The following MRM1 variants were observed in gnomAD, a reference collection of about 807,000 sequenced individuals.
The protein encoded by MRM1 is rRNA methyltransferase 1, mitochondrial.
Under a neutral mutation model 25.0 loss-of-function variants are expected in MRM1, and 24 were observed. The ratio of observed to expected loss-of-function variants is 0.96; its 90% CI spans 0.69 to 1.35. MRM1 has a LOEUF of 1.35. Ranked by LOEUF, MRM1 falls within the 40% of genes most tolerant of loss-of-function variation. The pLI is 0.00. For missense variants in MRM1, 431 were observed against 464.1 expected (o/e 0.93, Z 0.65); for synonymous variants, 188 against 199.2 (o/e 0.94, Z 0.47).
At chr17:36,620,731 G>T in the MRM1 span, among the ~76,000 whole-genome samples, 1 of 152,220 alleles carries the variant, frequency 6.6e-6, no homozygotes, top group African/African-American at 2.4e-5. Context: ...GCAGCTGATA[G>T]GTATGCCCTC....
At chr17:36,626,124 C>T in the MRM1 span, among the ~76,000 whole-genome samples, 1 of 152,150 alleles carries the variant, frequency 6.6e-6, no homozygotes, top group Non-Finnish European at 1.5e-5. Flanking sequence ...CGTTTCCCCT[C>T]CCCGCCCCCG....
rs1567846252 is a variant in MRM1 at position 36,602,778 on chromosome 17, T to C, written c.636+132T>C. The C allele has an allele frequency of 7.8e-7, 1 of 1,274,232 alleles. No individual in the cohort carries two copies. The highest frequency in any genetic ancestry group is 1.1e-6 in the Non-Finnish European group (1 of 913,362). 78.9% of individuals were successfully genotyped at this position (1,274,232 alleles called of 1,614,324 possible). The stretch of plus-strand genomic sequence containing the variant: ...CTTCCTTTGGCCTTCTAAATCCCTC[T>C]GGGGATGGAAGGGTCCTGGAGTTTT... On this transcript the variant is annotated intron_variant, in intron 2 of 4. Transcript: ENST00000614766. The surrounding 1 kb of genome is among the most constrained non-coding windows in gnomAD (Gnocchi z 4.1).
At chr17:36,625,004 AG>A in the MRM1 span, among the ~76,000 whole-genome samples, 30 of 152,174 alleles carry the variant, frequency 2.0e-4, no homozygotes, top group Non-Finnish European at 3.4e-4. Flanking sequence ...CTCACCCCAA[AG>A]CTGCTTGAGT....
chr17:36,624,751 C>T, the MRM1 span, among the ~76,000 whole-genome samples: 1 of 152,116 alleles, frequency 6.6e-6, no homozygotes, highest in Non-Finnish European at 1.5e-5. This position sits in a 1 kb window ranked among gnomAD's most constrained non-coding sequence, Gnocchi z 4.0. Flanking sequence ...GTCCTGGGCT[C>T]TTCTTTTCCC....
At chr17:36,609,010 C>T (rs1264190856), downstream of MRM1, 2 of 152,490 alleles carry the variant, frequency 1.3e-5, no homozygotes, top group East Asian at 3.9e-4. Flanking sequence ...CAGCCTCGCT[C>T]TTCGGTCCAG....
At chr17:36,624,446 T>C in the MRM1 span, among the ~76,000 whole-genome samples, 1 of 152,212 alleles carries the variant, frequency 6.6e-6, no homozygotes. This position sits in a 1 kb window ranked among gnomAD's most constrained non-coding sequence, Gnocchi z 4.0. Flanking sequence ...GAGACTCTGA[T>C]TGACAGTCTC....
At chr17:36,628,647 C>A in the MRM1 span, among the ~76,000 whole-genome samples, 1 of 152,064 alleles carries the variant, frequency 6.6e-6, no homozygotes, top group Non-Finnish European at 1.5e-5. Flanking sequence ...ACTGACTCAG[C>A]GATGGAGGCC....
downstream of MRM1, among the ~76,000 whole-genome samples, chr17:36,611,026 C>G (rs2074973907): frequency 6.6e-6 from 1 of 152,270 alleles, no homozygotes; most frequent in South Asian, 2.1e-4. Context: ...GTTGGCCAGG[C>G]TGGTCTCAAA....
At chr17:36,622,627 G>A in the MRM1 span, among the ~76,000 whole-genome samples, 81 of 152,056 alleles carry the variant, frequency 5.3e-4, no homozygotes, top group Non-Finnish European at 1.5e-5. Context: ...CAAACCTGAT[G>A]TCGGATTCCT....
rs753104905 is a variant in MRM1 at position 36,602,694 on chromosome 17, C to T, written c.636+48C>T. 15 of 1,599,696 alleles carry T rather than the reference C, an allele frequency of 9.4e-6. No homozygotes were observed. The Admixed American group carries it at 1.8e-4, about 20-fold the overall frequency. On this transcript the variant is annotated intron_variant, in intron 2 of 4. Coordinates refer to ENST00000614766, the MANE Select transcript of MRM1 (RefSeq NM_024864.5). The surrounding 1 kb of genome is among the most constrained non-coding windows in gnomAD (Gnocchi z 4.1). ...GGAACAGATGTGAGCCCAGCTCAGC[C>T]TCTTCAAGGGGACGAAGCTAGCCCC...
the MRM1 span, among the ~76,000 whole-genome samples, chr17:36,616,222 G>A: frequency 6.6e-6 from 1 of 152,310 alleles, no homozygotes; most frequent in South Asian, 2.1e-4. Flanking sequence ...TAAGTCCTGA[G>A]GTTGGAGGCT....
downstream of MRM1, among the ~76,000 whole-genome samples, chr17:36,612,787 A>G (rs1412725819): frequency 2.0e-5 from 3 of 152,178 alleles, no homozygotes; most frequent in African/African-American, 7.2e-5. Flanking sequence ...GGATGGTGGT[A>G]TGGATTGAAA....
chr17:36,627,961 C>T, the MRM1 span, among the ~76,000 whole-genome samples: 112 of 152,260 alleles, frequency 7.4e-4, no homozygotes, highest in African/African-American at 2.6e-3. Context: ...CAGGTGTGAG[C>T]CACTGCGCCC....
chr17:36,609,668 T>C (rs1011310466), downstream of MRM1, among the ~76,000 whole-genome samples: 18 of 152,284 alleles, frequency 1.2e-4, 1 homozygote, highest in East Asian at 3.3e-3. Flanking sequence ...ACCCCGAACT[T>C]GCAATCCTGA....
In MRM1 at chr17:36,608,002, C is replaced by A; in HGVS notation, c.873C>A (p.Asn291Lys). The A allele has an allele frequency of 6.2e-7, 1 of 1,614,126 alleles. No individual in the cohort carries two copies. The highest frequency in any genetic ancestry group is 8.5e-7 in the Non-Finnish European group (1 of 1,180,026). The part of the protein sequence containing the change: ...RQLPPGLESL[N>K]VSVAAGILLH... Reference sequence around the variant, plus strand: ...TGCCTCCTGGACTTGAGTCCTTGAACGTCTCTGTGGCTGCAGGTGAGTCTA... The same window carrying A: ...TGCCTCCTGGACTTGAGTCCTTGAAAGTCTCTGTGGCTGCAGGTGAGTCTA... Residue 291 changes from asparagine (N) to lysine (K), a missense_variant, in exon 4 of 5, where the codon AAC becomes AAA. Transcript: ENST00000614766.
intron 2 of MRM1, among the ~76,000 whole-genome samples, chr17:36,604,795 C>T (rs1301823506): frequency 4.2e-5 from 6 of 141,910 alleles, no homozygotes; most frequent in South Asian, 2.3e-4. Context: ...GACAGAGTGA[C>T]GTGTCAAAAA....
chr17:36,629,407 G>C, the MRM1 span, among the ~76,000 whole-genome samples: 1 of 152,194 alleles, frequency 6.6e-6, no homozygotes, highest in Admixed American at 6.5e-5. Flanking sequence ...CTGCCAAGTG[G>C]GTGAGCTGCG....
At chr17:36,605,529 C>T (rs2074921305) in intron 2 of MRM1, among the ~76,000 whole-genome samples, 1 of 151,216 alleles carries the variant, frequency 6.6e-6, no homozygotes, top group Non-Finnish European at 1.5e-5. Flanking sequence ...AGTCTCATGG[C>T]TTTAAATACT....
the MRM1 span, among the ~76,000 whole-genome samples, chr17:36,623,962 G>A: frequency 2.0e-5 from 3 of 152,160 alleles, no homozygotes; most frequent in South Asian, 2.1e-4. Context: ...GGGCACTTCC[G>A]TCCCTCTCCC....
Sources: allele counts gnomAD v4.1 joint callset (sites outside exome capture counted in the v4.1 genomes callset), GRCh38; gene constraint gnomAD v4.1.1; non-coding constraint Gnocchi (gnomAD v3.1); transcripts MANE v1.5; gene names NCBI Gene and HGNC (gene_info 2026-07-23, HGNC 2026-07-21).